CEP83: variants seen among roughly 807,000 people sequenced by gnomAD.
CEP83 encodes centrosomal protein of 83 kDa.
A neutral mutation model predicts 101.9 loss-of-function variants in CEP83; 70 were observed. That is an observed-to-expected ratio of 0.69 (90% confidence interval 0.57 to 0.84). CEP83 has a LOEUF of 0.84. Ranked by LOEUF, CEP83 falls within the 40% of genes least tolerant of loss-of-function variation. CEP83 has a pLI of 0.00. For synonymous variants in CEP83, 264 were observed against 267.9 expected, an observed-to-expected ratio of 0.99 and a Z score of 0.14; for missense variants, 715 against 787.2, an observed-to-expected ratio of 0.91 and a Z score of 1.10.
intron 11 of CEP83, among the ~76,000 whole-genome samples, chr12:94,359,912 C>T (rs547239642): frequency 1.3e-5 from 2 of 152,018 alleles, no homozygotes; most frequent in Non-Finnish European, 2.9e-5. Flanking sequence ...TCCAGCAACA[C>T]GTTAAAAAGA....
chr12:94,403,128 C>T, intron 5 of CEP83, 42 bp downstream of exon 5: 1 of 997,108 alleles, frequency 1.0e-6, no homozygotes, highest in Non-Finnish European at 1.6e-6. Flanking sequence ...AGACTTTGAT[C>T]CCATGAGGAT....
At chr12:94,281,910 C>A in the CEP83 span, 74 of 204,444 alleles carry the variant, frequency 3.6e-4, no homozygotes, top group Non-Finnish European at 6.6e-4. Context: ...TGATGCCTCC[C>A]CCTCCACCCC....
intron 11 of CEP83, among the ~76,000 whole-genome samples, chr12:94,340,251 T>A (rs1363615947): frequency 6.6e-6 from 1 of 152,188 alleles, no homozygotes; most frequent in African/African-American, 2.4e-5. Flanking sequence ...TTTCCCTTGG[T>A]TATTGCTATT....
chr12:94,441,750 C>T (rs1438174230), intron 1 of CEP83, among the ~76,000 whole-genome samples: 1 of 151,960 alleles, frequency 6.6e-6, no homozygotes, highest in Non-Finnish European at 1.5e-5. Flanking sequence ...CCCGTCTCTA[C>T]TAAAAATACA....
chr12:94,336,217 A>T (rs1176086049), intron 11 of CEP83, among the ~76,000 whole-genome samples: 1 of 152,198 alleles, frequency 6.6e-6, no homozygotes, highest in Non-Finnish European at 1.5e-5. Flanking sequence ...GAGATGAATG[A>T]ATACTTACAC....
At chr12:94,424,522 C>T in intron 2 of CEP83, 1 of 1,613,656 alleles carries the variant, frequency 6.2e-7, no homozygotes, top group Non-Finnish European at 8.5e-7. Context: ...CCTCCAGTTC[C>T]TGCTCATCCA....
chr12:94,413,491 G>T (rs951992960), intron 2 of CEP83, among the ~76,000 whole-genome samples: 3 of 152,130 alleles, frequency 2.0e-5, no homozygotes, highest in African/African-American at 7.2e-5. Flanking sequence ...GAGAATCAAG[G>T]TCTTCAAAAG....
At chr12:94,280,945 T>A in the CEP83 span, among the ~76,000 whole-genome samples, 1 of 152,190 alleles carries the variant, frequency 6.6e-6, no homozygotes, top group African/African-American at 2.4e-5. Flanking sequence ...CCTGCTGATT[T>A]CCCAGACTAC....
rs58871460 is a variant in CEP83 at position 94,417,791 on chromosome 12, A to AATACATAC, written c.-101-5208_-101-5201dup. On this transcript the variant is annotated intron_variant, in intron 2 of 16. Coordinates refer to ENST00000397809, the MANE Select transcript of CEP83 (RefSeq NM_016122.3). ...CAACAGAGGAAGACTCCATCTCAAA[A>AATACATAC]ATACATACATACATACATACATACA... 2.2e-4 allele frequency among the ~76,000 whole-genome samples: 33 copies of AATACATAC among 151,690 alleles called. 1 individual carries two copies. Among genetic ancestry groups the AATACATAC allele is most frequent in the South Asian group, 1.0e-3 (5 of 4,804 alleles).
At chr12:94,350,811 A>T (rs2060165115) in intron 11 of CEP83, among the ~76,000 whole-genome samples, 1 of 152,168 alleles carries the variant, frequency 6.6e-6, no homozygotes, top group Non-Finnish European at 1.5e-5. Context: ...TGGACAAAAA[A>T]CTTGACTAGC....
At chr12:94,419,620 A>G (rs537615748) in intron 2 of CEP83, among the ~76,000 whole-genome samples, 13 of 152,324 alleles carry the variant, frequency 8.5e-5, no homozygotes, top group African/African-American at 3.1e-4. Context: ...TACAGTAATT[A>G]AGATGGTATA....
chr12:94,422,241 CAT>C (rs2064815740), intron 2 of CEP83, among the ~76,000 whole-genome samples: 1 of 152,156 alleles, frequency 6.6e-6, no homozygotes, highest in Admixed American at 6.5e-5. Flanking sequence ...TGGACACAGC[CAT>C]AGCATGGACG....
Position 94,444,141 on chromosome 12 carries a change from G to A in CEP83, c.-154-8814C>T, listed in dbSNP as rs183589602. On this transcript the variant is annotated intron_variant, in intron 1 of 16. Transcript: ENST00000397809. ...AGGCCGGGCGTGGTGGCTCACGCCC[G>A]TAATTCCAGTACTTTGGGAGACCGA... Among the ~76,000 whole-genome samples the A allele has an allele frequency of 9.3e-4, 142 of 152,308 alleles. 1 individual carries two copies. The highest frequency in any genetic ancestry group is 3.1e-3 in the African/African-American group (127 of 41,572).
chr12:94,438,893 T>A (rs985056415), intron 1 of CEP83, among the ~76,000 whole-genome samples: 2 of 152,182 alleles, frequency 1.3e-5, no homozygotes, highest in Non-Finnish European at 2.9e-5. Context: ...TACAAATATA[T>A]GGAAATTTAA....
At chr12:94,278,868 T>G in the CEP83 span, among the ~76,000 whole-genome samples, 5 of 152,058 alleles carry the variant, frequency 3.3e-5, no homozygotes, top group African/African-American at 1.2e-4. Flanking sequence ...CATGGTGGCA[T>G]GTGCCTGTAA....
rs1414009231 is a variant in CEP83 at position 94,423,947 on chromosome 12, G to A, written c.-102+11328C>T. ...GAGGCAGAGATGGCCCAGTTGCTGG[G>A]TAAGGGGTCCCATCATGGAGGCAGG... On this transcript the variant is annotated intron_variant, in intron 2 of 16. Coordinates refer to ENST00000397809, the MANE Select transcript of CEP83 (RefSeq NM_016122.3). The A allele has an allele frequency of 6.2e-6, 10 of 1,612,636 alleles. No homozygotes were observed. In the East Asian group the frequency reaches 2.2e-4, roughly 36 times the overall value.
At chr12:94,312,561 C>T in intron 15 of CEP83, 3 of 985,338 alleles carry the variant, frequency 3.0e-6, no homozygotes, top group Non-Finnish European at 3.6e-6. Flanking sequence ...CACCAGGAAA[C>T]CAAAACTGAC....
intron 6 of CEP83, among the ~76,000 whole-genome samples, chr12:94,397,336 TA>T (rs1338955172): frequency 6.6e-6 from 1 of 151,988 alleles, no homozygotes; most frequent in Non-Finnish European, 1.5e-5. Context: ...CCATCTCTAC[TA>T]AAAATACAAT....
intron 11 of CEP83, among the ~76,000 whole-genome samples, chr12:94,365,607 T>C (rs2060981551): frequency 6.6e-6 from 1 of 151,996 alleles, no homozygotes; most frequent in Admixed American, 6.6e-5. Context: ...CCACCCCTAC[T>C]AAAAATACAA....
Sources: gnomAD v4.1 joint callset for allele counts (sites outside exome capture counted in the v4.1 genomes callset) on GRCh38, gnomAD v4.1.1 for gene constraint, MANE v1.5 for transcripts, NCBI Gene and HGNC (gene_info 2026-07-23, HGNC 2026-07-21) for gene names.